Variants in HRH1 observed in about 807,000 individuals in gnomAD.
HRH1 encodes the protein histamine H1 receptor.
HRH1 carries 6 observed loss-of-function variants against 10.3 expected under a neutral mutation model. The ratio of observed to expected loss-of-function variants is 0.58; its 90% CI spans 0.32 to 1.15. The LOEUF (loss-of-function observed/expected upper bound fraction) is 1.15. Ranked by LOEUF, HRH1 falls within the 50% of genes most tolerant of loss-of-function variation. HRH1 has a pLI of 0.05. For synonymous variants in HRH1, 242 were observed against 236.7 expected (o/e 1.02, Z -0.21); for missense variants, 514 against 615.3 (o/e 0.84, Z 1.74).
At chr3:11,145,418 C>A (rs1936416533) in intron 1 of HRH1, among the ~76,000 whole-genome samples, 1 of 152,176 alleles carries the variant, frequency 6.6e-6, no homozygotes. Flanking sequence ...TCACCTCCCA[C>A]AAGAAACCCT....
chr3:11,189,229 G>A (rs57509680), intron 1 of HRH1, among the ~76,000 whole-genome samples: 11,318 of 152,050 alleles, frequency 0.074, 533 homozygotes, highest in African/African-American at 0.13. Flanking sequence ...TTACCCTTCC[G>A]AGTCCAGGAG....
chr3:11,140,885 T>C (rs1936278544), intron 1 of HRH1, among the ~76,000 whole-genome samples: 1 of 152,224 alleles, frequency 6.6e-6, no homozygotes, highest in South Asian at 2.1e-4. Flanking sequence ...CTTTTCATTA[T>C]TACTGTACAG....
chr3:11,147,577 T>C (rs1936480018), intron 1 of HRH1, among the ~76,000 whole-genome samples: 1 of 152,004 alleles, frequency 6.6e-6, no homozygotes, highest in Non-Finnish European at 1.5e-5. Context: ...AAAACAACGA[T>C]GTGACAAGAC....
At chr3:11,205,605 AG>A (rs1283769051) in intron 1 of HRH1, among the ~76,000 whole-genome samples, 2 of 152,062 alleles carry the variant, frequency 1.3e-5, no homozygotes, top group East Asian at 3.9e-4. Context: ...GAGCTCTCCC[AG>A]CACCCCATGT....
chr3:11,175,706 G>A (rs545243515), intron 1 of HRH1, among the ~76,000 whole-genome samples: 1 of 152,348 alleles, frequency 6.6e-6, no homozygotes, highest in South Asian at 2.1e-4. Flanking sequence ...TCAGATGCCT[G>A]TAACCACATC....
At chr3:11,193,502 C>A (rs1156387708) in intron 1 of HRH1, among the ~76,000 whole-genome samples, 1 of 152,176 alleles carries the variant, frequency 6.6e-6, no homozygotes, top group Non-Finnish European at 1.5e-5. Flanking sequence ...ATCAAGGCAC[C>A]AGCAGATTCA....
intron 1 of HRH1, among the ~76,000 whole-genome samples, chr3:11,249,894 C>T (rs1252023316): frequency 6.6e-6 from 1 of 151,394 alleles, no homozygotes; most frequent in Non-Finnish European, 1.5e-5. Context: ...GTCTTTGACC[C>T]TGCAGATCTC....
At chr3:11,249,345 G>C (rs184423670) in intron 1 of HRH1, among the ~76,000 whole-genome samples, 2 of 148,546 alleles carry the variant, frequency 1.3e-5, no homozygotes, top group Non-Finnish European at 1.5e-5. Context: ...AGAGCTTGCA[G>C]TGAGCCGAGA....
intron 1 of HRH1, among the ~76,000 whole-genome samples, chr3:11,208,019 G>T (rs1420718695): frequency 6.6e-6 from 1 of 152,154 alleles, no homozygotes; most frequent in African/African-American, 2.4e-5. Flanking sequence ...GCAAGAGCAG[G>T]ATGAAGAATT....
At chr3:11,165,613 C>T (rs1041566418) in intron 1 of HRH1, among the ~76,000 whole-genome samples, 2 of 152,158 alleles carry the variant, frequency 1.3e-5, no homozygotes, top group Non-Finnish European at 2.9e-5. Flanking sequence ...GACATTGGGC[C>T]GGGTTGCTCC....
At chr3:11,249,419 A>C (rs1939579337) in intron 1 of HRH1, among the ~76,000 whole-genome samples, 1 of 151,302 alleles carries the variant, frequency 6.6e-6, no homozygotes, top group Non-Finnish European at 1.5e-5. Flanking sequence ...AAAAAAAAAA[A>C]AAAAAGAGGA....
At chr3:11,188,340 A>C (rs531302120) in intron 1 of HRH1, among the ~76,000 whole-genome samples, 24 of 152,302 alleles carry the variant, frequency 1.6e-4, no homozygotes, top group Admixed American at 7.2e-4. Flanking sequence ...GGTGGCTGAC[A>C]CTTGTAATCT....
intron 1 of HRH1, among the ~76,000 whole-genome samples, chr3:11,177,117 G>A (rs1250571361): frequency 6.6e-6 from 1 of 151,504 alleles, no homozygotes; most frequent in Non-Finnish European, 1.5e-5. Context: ...AATTAAGGTT[G>A]TAGCCAGGTG....
At chr3:11,148,180 CAAAA>C (rs58792725) in intron 1 of HRH1, among the ~76,000 whole-genome samples, 1 of 85,982 alleles carries the variant, frequency 1.2e-5, no homozygotes, top group Non-Finnish European at 2.5e-5. Flanking sequence ...CTCTGTCAAA[CAAAA>C]AAAAAAAAAA....
intron 1 of HRH1, among the ~76,000 whole-genome samples, chr3:11,192,625 A>G (rs1937565720): frequency 2.0e-5 from 3 of 152,218 alleles, no homozygotes; most frequent in African/African-American, 7.2e-5. Context: ...AATCACTTGC[A>G]GTTCCAGCTA....
At chr3:11,184,512 A>G (rs1937415161) in intron 1 of HRH1, among the ~76,000 whole-genome samples, 1 of 152,142 alleles carries the variant, frequency 6.6e-6, no homozygotes, top group Non-Finnish European at 1.5e-5. Flanking sequence ...CCAGACAGGC[A>G]TAAATTCTCA....
At chr3:11,152,114 CT>C (rs998627447), upstream of HRH1, among the ~76,000 whole-genome samples, 2 of 152,154 alleles carry the variant, frequency 1.3e-5, no homozygotes, top group African/African-American at 4.8e-5. Flanking sequence ...GCTGTATACT[CT>C]GAACAAACTC....
In HRH1 at chr3:11,259,185, T is replaced by C. The variant is rs777624852; in HGVS notation, c.148T>C (p.Tyr50His). Residue 50 changes from tyrosine to histidine, a missense_variant, in exon 2 of 2, where the codon TAT (tyrosine) becomes CAT (histidine). Transcript: ENST00000431010. This position sits in a 1 kb window ranked among gnomAD's most constrained non-coding sequence, Gnocchi z 4.6. ...AGTAGGGCTCAACCTGCTGGTGCTG[T>C]ATGCCGTACGGAGTGAGCGGAAGCT... ...VTVGLNLLVL[Y>H]AVRSERKLHT... The C allele has an allele frequency of 6.2e-7, 1 of 1,613,610 alleles. No individual in the cohort carries two copies. Among genetic ancestry groups the C allele is most frequent in the Non-Finnish European group, 8.5e-7 (1 of 1,179,996 alleles).
chr3:11,196,122 G>T (rs1046049039), intron 1 of HRH1, among the ~76,000 whole-genome samples: 2 of 152,230 alleles, frequency 1.3e-5, no homozygotes, highest in East Asian at 3.9e-4. Context: ...CCCTCTTAAA[G>T]CTCCTCGGTG....
Sources: gnomAD v4.1 joint callset for allele counts (sites outside exome capture counted in the v4.1 genomes callset) on GRCh38, gnomAD v4.1.1 for gene constraint, Gnocchi (gnomAD v3.1) non-coding constraint, MANE v1.5 for transcripts, NCBI Gene and HGNC (gene_info 2026-07-23, HGNC 2026-07-21) for gene names.